DLGAP2: variants seen among roughly 807,000 people sequenced by gnomAD.
The protein encoded by DLGAP2 is disks large-associated protein 2.
A neutral mutation model predicts 100.3 loss-of-function variants in DLGAP2; 26 were observed. The ratio of observed to expected loss-of-function variants is 0.26; its 90% CI spans 0.19 to 0.36. DLGAP2 has a LOEUF of 0.36. Ranked by LOEUF, DLGAP2 falls within the 10% of genes least tolerant of loss-of-function variation. The probability of loss-of-function intolerance (pLI) is 1.00; values close to 1 mark genes in which losing one functional copy is unlikely to be tolerated. For missense variants in DLGAP2, 1,858 were observed against 1,453.2 expected (o/e 1.28, Z -4.53); for synonymous variants, 886 against 630.1 (o/e 1.41, Z -6.08).
rs73176514 is a variant in DLGAP2, at chr8:979,960, C to T, written c.73+71994C>T. 1.4e-3 allele frequency among the ~76,000 whole-genome samples: 206 copies of T among 152,254 alleles called. 1 individual carries two copies. The highest frequency in any genetic ancestry group is 2.6e-3 in the Non-Finnish European group (178 of 68,020). On this transcript the variant is annotated intron_variant, in intron 2 of 14. Transcript: ENST00000637795. Reference sequence around the variant, plus strand: ...AGAGAGGGGCTGGGAGTGAGGCACGCAGAACCATGGAGCTGCTAAGGGGAG... The same window carrying T: ...AGAGAGGGGCTGGGAGTGAGGCACGTAGAACCATGGAGCTGCTAAGGGGAG...
chr8:923,616 T>C (rs1798757986), intron 2 of DLGAP2, among the ~76,000 whole-genome samples: 1 of 152,218 alleles, frequency 6.6e-6, no homozygotes, highest in Admixed American at 6.5e-5. Flanking sequence ...GTAGAATTCC[T>C]TGGGAATCAG....
intron 8 of DLGAP2, among the ~76,000 whole-genome samples, chr8:1,653,110 G>A (rs9694339): frequency 5.5e-4 from 83 of 152,244 alleles, no homozygotes; most frequent in African/African-American, 1.8e-3. Context: ...TGAAGAAGGA[G>A]TGCCCAGTTG....
intron 2 of DLGAP2, among the ~76,000 whole-genome samples, chr8:1,194,995 C>T (rs575855655): frequency 6.6e-6 from 1 of 152,388 alleles, no homozygotes; most frequent in Admixed American, 6.5e-5. Flanking sequence ...TCCCGGCCTT[C>T]ATTCCTCGTG....
At chr8:1,650,288 GCT>G (rs1798132630) in intron 8 of DLGAP2, among the ~76,000 whole-genome samples, 1 of 152,220 alleles carries the variant, frequency 6.6e-6, no homozygotes, top group Non-Finnish European at 1.5e-5. Context: ...AGATTTAGAA[GCT>G]CCATATACAT....
chr8:1,226,172 C>T (rs750183295), intron 2 of DLGAP2, among the ~76,000 whole-genome samples: 12 of 151,980 alleles, frequency 7.9e-5, no homozygotes, highest in East Asian at 5.8e-4. Context: ...AAGATGCATG[C>T]GCACGTATGT....
chr8:773,481 G>C, intron 1 of DLGAP2, among the ~76,000 whole-genome samples: 1 of 150,956 alleles, frequency 6.6e-6, no homozygotes, highest in Non-Finnish European at 1.5e-5. Flanking sequence ...ATATCGCCCA[G>C]TGCTATCCCT....
intron 2 of DLGAP2, among the ~76,000 whole-genome samples, chr8:948,085 C>T (rs940822586): frequency 6.6e-6 from 1 of 151,998 alleles, no homozygotes; most frequent in Non-Finnish European, 1.5e-5. Flanking sequence ...CGACCCCATG[C>T]CAGCCCGCGT....
chr8:843,965 C>G (rs895122160), intron 1 of DLGAP2, among the ~76,000 whole-genome samples: 1 of 152,186 alleles, frequency 6.6e-6, no homozygotes, highest in Non-Finnish European at 1.5e-5. Flanking sequence ...TATTTTAAAA[C>G]ATTGGTAGTA....
chr8:1,378,964 G>A (rs949868920), intron 3 of DLGAP2, among the ~76,000 whole-genome samples: 1 of 152,190 alleles, frequency 6.6e-6, no homozygotes, highest in Non-Finnish European at 1.5e-5. Flanking sequence ...CTCATTCTTA[G>A]CCCCATAGGG....
intron 2 of DLGAP2, among the ~76,000 whole-genome samples, chr8:977,562 G>A (rs1185294782): frequency 1.3e-5 from 2 of 152,180 alleles, no homozygotes; most frequent in African/African-American, 4.8e-5. Flanking sequence ...TTGAACTCAT[G>A]CCTCCTTGCG....
At chr8:1,344,141 C>T (rs576062887) in intron 3 of DLGAP2, among the ~76,000 whole-genome samples, 115 of 143,664 alleles carry the variant, frequency 8.0e-4, no homozygotes, top group Middle Eastern at 3.8e-3. Flanking sequence ...GGTCCGTGTA[C>T]TCGGGGCCCT....
At chr8:1,656,967 C>G (rs1409930900) in intron 8 of DLGAP2, among the ~76,000 whole-genome samples, 1 of 152,122 alleles carries the variant, frequency 6.6e-6, no homozygotes, top group Non-Finnish European at 1.5e-5. Flanking sequence ...ATGTTTTCAT[C>G]TATTTCCCTG....
intron 3 of DLGAP2, among the ~76,000 whole-genome samples, chr8:1,372,039 G>T (rs1186264593): frequency 6.6e-6 from 1 of 152,234 alleles, no homozygotes; most frequent in Non-Finnish European, 1.5e-5. Flanking sequence ...GTCTGTGCAG[G>T]TGGGGGGCCT....
At chr8:1,098,813 C>G (rs1804485714) in intron 2 of DLGAP2, among the ~76,000 whole-genome samples, 1 of 148,052 alleles carries the variant, frequency 6.8e-6, no homozygotes, top group South Asian at 2.1e-4. Context: ...GCCACCCACT[C>G]CAGGCTCCCG....
intron 3 of DLGAP2, among the ~76,000 whole-genome samples, chr8:1,459,653 C>T (rs977187015): frequency 8.6e-5 from 13 of 151,828 alleles, no homozygotes; most frequent in African/African-American, 2.9e-4. Flanking sequence ...TCATCCAGCA[C>T]CCTCTCTGGC....
intron 2 of DLGAP2, among the ~76,000 whole-genome samples, chr8:1,100,523 T>TGTGTGTGTGC (rs1381327884): frequency 3.3e-5 from 5 of 152,098 alleles, no homozygotes; most frequent in East Asian, 1.9e-4. Context: ...TGTGTGTGTG[T>TGTGTGTGTGC]GCGTGCACGT....
At chr8:1,522,024 T>C (rs1194701952) in intron 4 of DLGAP2, among the ~76,000 whole-genome samples, 1 of 146,826 alleles carries the variant, frequency 6.8e-6, no homozygotes, top group African/African-American at 2.5e-5. Flanking sequence ...GGGCAGGTGA[T>C]TTGGGGCGTC....
At chr8:836,348 C>A (rs563790751) in intron 1 of DLGAP2, among the ~76,000 whole-genome samples, 1 of 152,302 alleles carries the variant, frequency 6.6e-6, no homozygotes, top group Admixed American at 6.5e-5. Flanking sequence ...CTGGGCCCTG[C>A]CTTGCGGGCG....
At chr8:1,249,013 T>C (rs764586604) in intron 2 of DLGAP2, among the ~76,000 whole-genome samples, 19 of 152,250 alleles carry the variant, frequency 1.2e-4, no homozygotes, top group Middle Eastern at 3.4e-3. Flanking sequence ...ATCCCATGTT[T>C]AGGAGAGAGG....
Sources: allele counts gnomAD v4.1 joint callset (sites outside exome capture counted in the v4.1 genomes callset), GRCh38; gene constraint gnomAD v4.1.1; transcripts MANE v1.5; gene names NCBI Gene and HGNC (gene_info 2026-07-23, HGNC 2026-07-21).